The following ADAM10 variants were observed in gnomAD, a reference collection of about 807,000 sequenced individuals.
ADAM10 encodes disintegrin and metalloproteinase domain-containing protein 10.
Under a neutral mutation model 90.1 loss-of-function variants are expected in ADAM10, and 17 were observed. The ratio of observed to expected loss-of-function variants is 0.19; its 90% CI spans 0.13 to 0.28. The LOEUF is 0.28. Among genes scored for constraint, ADAM10 ranks in the 10% least tolerant of loss-of-function variants. The pLI is 1.00. For missense variants in ADAM10, 610 were observed against 914.3 expected (o/e 0.67, Z 4.29); for synonymous variants, 310 against 298.6 (o/e 1.04, Z -0.40).
chr15:58,683,993 T>C (rs1235732744), intron 2 of ADAM10, among the ~76,000 whole-genome samples: 6 of 151,968 alleles, frequency 3.9e-5, no homozygotes, highest in African/African-American at 1.5e-4. Context: ...AATGGTACAG[T>C]ATTTGTATAT....
intron 1 of ADAM10, 22 bp downstream of exon 1, chr15:58,749,458 G>T: frequency 2.0e-6 from 3 of 1,524,616 alleles, no homozygotes; most frequent in Non-Finnish European, 2.6e-6. Context: ...CGGCGCCCCC[G>T]GCGCTCGCAG....
At chr15:58,623,903 T>C (rs1895858673) in intron 10 of ADAM10, among the ~76,000 whole-genome samples, 2 of 149,246 alleles carry the variant, frequency 1.3e-5, no homozygotes, top group Admixed American at 1.3e-4. Context: ...ATAGGTGCAG[T>C]AAACCACCAT....
chr15:58,736,985 A>G (rs1247737970), intron 1 of ADAM10, among the ~76,000 whole-genome samples: 2 of 152,100 alleles, frequency 1.3e-5, no homozygotes, highest in East Asian at 1.9e-4. Context: ...AGTAATACCA[A>G]AAAATCACAT....
At chr15:58,608,868 A>G (rs1230089944) in intron 14 of ADAM10, among the ~76,000 whole-genome samples, 2 of 152,232 alleles carry the variant, frequency 1.3e-5, no homozygotes, top group African/African-American at 4.8e-5. Context: ...GATATGACTT[A>G]GTACCCCAAA....
intron 4 of ADAM10, among the ~76,000 whole-genome samples, chr15:58,676,981 G>A (rs1897315134): frequency 6.6e-6 from 1 of 152,186 alleles, no homozygotes; most frequent in Admixed American, 6.5e-5. Flanking sequence ...TCCCTCTGCA[G>A]AGAATTTGCG....
chr15:58,621,180 T>C (rs536999225), intron 11 of ADAM10, among the ~76,000 whole-genome samples: 61 of 148,054 alleles, frequency 4.1e-4, no homozygotes, highest in Non-Finnish European at 6.7e-4. Context: ...GGAGGATCAA[T>C]TGAGCCCGGG....
chr15:58,696,890 C>T lies in ADAM10; in HGVS notation c.207-14576G>A, dbSNP rs569081619. On this transcript the variant is annotated intron_variant, in intron 2 of 15. Coordinates refer to ENST00000260408, the MANE Select transcript of ADAM10 (RefSeq NM_001110.4). ...AGTCCTAAGCAGCTAGAGCACAGCA[C>T]GTTTTGAGAGCCCAGCCCCAACAAG... 1.6e-4 allele frequency among the ~76,000 whole-genome samples: 25 copies of T among 152,260 alleles called. No individual in the cohort carries two copies. The East Asian group carries it at 4.1e-3, about 25-fold the overall frequency.
At chr15:58,703,685 GTA>G in intron 2 of ADAM10, among the ~76,000 whole-genome samples, 1 of 152,274 alleles carries the variant, frequency 6.6e-6, no homozygotes, top group East Asian at 1.9e-4. Flanking sequence ...GCAATTCCCA[GTA>G]TTGGGGGAAG....
intron 1 of ADAM10, among the ~76,000 whole-genome samples, chr15:58,744,988 G>A (rs1899743258): frequency 6.6e-6 from 1 of 152,228 alleles, no homozygotes. Context: ...TTCGAGACCA[G>A]TCTGGCCAAT....
At chr15:58,616,442 C>T (rs566456518) in intron 11 of ADAM10, among the ~76,000 whole-genome samples, 1 of 152,190 alleles carries the variant, frequency 6.6e-6, no homozygotes, top group African/African-American at 2.4e-5. Flanking sequence ...CTCTTCTGAA[C>T]ACAACAGAAT....
At chr15:58,621,739 TAG>T in intron 10 of ADAM10, 118 bp from the exon 11 acceptor site, 1 of 1,234,096 alleles carries the variant, frequency 8.1e-7, no homozygotes, top group Non-Finnish European at 1.2e-6. Flanking sequence ...GATGAATAAG[TAG>T]AACAAACTAG....
intron 1 of ADAM10, among the ~76,000 whole-genome samples, chr15:58,723,545 AC>A (rs1310895481): frequency 6.6e-6 from 1 of 151,964 alleles, no homozygotes. Flanking sequence ...TACTAAAAAT[AC>A]AAAAAAAAAT....
intron 2 of ADAM10, among the ~76,000 whole-genome samples, chr15:58,703,293 A>G (rs1898182821): frequency 1.5e-5 from 2 of 130,524 alleles, no homozygotes; most frequent in African/African-American, 7.2e-5. Flanking sequence ...TATTCCCTCA[A>G]AAAAAAAAAA....
Position 58,590,093 on chromosome 15 carries a change from A to G in ADAM10, c.*7454T>C, listed in dbSNP as rs1214422498. ...ATTAAAAATTCTATGTAATCTATTT[A>G]AACTCTCTTCATCCATCATATTTTG... On this transcript the variant is annotated 3_prime_UTR_variant, in exon 16 of 16. Coordinates refer to ENST00000260408, the MANE Select transcript of ADAM10 (RefSeq NM_001110.4). 1 of 152,214 alleles carries G rather than the reference A, an allele frequency of 6.6e-6. No homozygotes were observed. Among genetic ancestry groups the G allele is most frequent in the Non-Finnish European group, 1.5e-5 (1 of 68,038 alleles). The allele number at this position is 152,214 out of a possible 1,614,324, so 9.4% of individuals were successfully genotyped here. A position where few individuals can be genotyped will look rare whatever the true frequency, so the allele number is the denominator to read the frequency against.
intron 2 of ADAM10, chr15:58,692,280 G>C: frequency 1.6e-6 from 1 of 606,826 alleles, no homozygotes; most frequent in Non-Finnish European, 3.3e-6. Context: ...CCCAGGCACT[G>C]GTGAGGCTCT....
At chr15:58,618,166 A>T (rs1277771224) in intron 11 of ADAM10, among the ~76,000 whole-genome samples, 1 of 152,202 alleles carries the variant, frequency 6.6e-6, no homozygotes, top group African/African-American at 2.4e-5. Flanking sequence ...ATACTGACAT[A>T]AAAACAGACA....
chr15:58,705,255 T>A (rs1301516927), intron 2 of ADAM10, among the ~76,000 whole-genome samples: 1 of 152,244 alleles, frequency 6.6e-6, no homozygotes, highest in African/African-American at 2.4e-5. Context: ...TAAGATGTCC[T>A]GTATAAAGAA....
At chr15:58,726,885 G>GGGAGA (rs1229274745) in intron 1 of ADAM10, among the ~76,000 whole-genome samples, 1 of 150,886 alleles carries the variant, frequency 6.6e-6, no homozygotes, top group African/African-American at 2.4e-5. Context: ...CGAAGGGGAG[G>GGGAGA]GGAGAGGAGG....
intron 1 of ADAM10, among the ~76,000 whole-genome samples, chr15:58,745,430 C>T (rs753769658): frequency 6.6e-6 from 1 of 152,112 alleles, no homozygotes; most frequent in Non-Finnish European, 1.5e-5. Flanking sequence ...TGGTTTCTTA[C>T]TTACCCATTT....
Sources: gnomAD v4.1 joint callset for allele counts (sites outside exome capture counted in the v4.1 genomes callset) on GRCh38, gnomAD v4.1.1 for gene constraint, MANE v1.5 for transcripts, NCBI Gene and HGNC (gene_info 2026-07-23, HGNC 2026-07-21) for gene names.